Variants in NAALADL2 observed in about 807,000 individuals in gnomAD.
The protein encoded by NAALADL2 is N-acetylated alpha-linked acidic dipeptidase like 2.
Under a neutral mutation model 87.2 loss-of-function variants are expected in NAALADL2, and 76 were observed. The observed-to-expected ratio is 0.87, with a 90% CI of 0.72 to 1.05. NAALADL2 has a LOEUF of 1.05. Ranked by LOEUF, NAALADL2 falls within the 50% of genes least tolerant of loss-of-function variation. The pLI is 0.00. For synonymous variants in NAALADL2, 354 were observed against 331.0 expected, an observed-to-expected ratio of 1.07 and a Z score of -0.75; for missense variants, 1,089 against 945.8, an observed-to-expected ratio of 1.15 and a Z score of -1.99.
chr3:174,455,780 A>G (rs1021595923), intron 1 of NAALADL2, among the ~76,000 whole-genome samples: 1 of 152,182 alleles, frequency 6.6e-6, no homozygotes, highest in Admixed American at 6.5e-5. Flanking sequence ...GAATGAGCAA[A>G]AGCAGTAAGC....
chr3:175,694,849 A>T (rs1560987834), intron 11 of NAALADL2, among the ~76,000 whole-genome samples: 1 of 152,150 alleles, frequency 6.6e-6, no homozygotes, highest in African/African-American at 2.4e-5. Flanking sequence ...GGAAACAGAA[A>T]TTCAGGTAAA....
chr3:175,339,540 T>C (rs888678222), intron 5 of NAALADL2, among the ~76,000 whole-genome samples: 1 of 152,216 alleles, frequency 6.6e-6, no homozygotes, highest in African/African-American at 2.4e-5. Context: ...TTGTCTTTAA[T>C]TCTTTGTGCA....
At chr3:175,201,605 C>T (rs1319543937) in intron 2 of NAALADL2, among the ~76,000 whole-genome samples, 4 of 152,140 alleles carry the variant, frequency 2.6e-5, no homozygotes, top group Admixed American at 1.3e-4. Context: ...TGTCGTGTTA[C>T]ACTGTTGCTC....
At chr3:175,304,561 G>C (rs781158698) in intron 4 of NAALADL2, among the ~76,000 whole-genome samples, 1 of 152,098 alleles carries the variant, frequency 6.6e-6, no homozygotes, top group Non-Finnish European at 1.5e-5. Flanking sequence ...GGCCTTTCCT[G>C]TGGCAGTCTC....
intron 5 of NAALADL2, among the ~76,000 whole-genome samples, chr3:175,331,088 T>G (rs1178386011): frequency 1.3e-5 from 2 of 152,122 alleles, no homozygotes; most frequent in East Asian, 3.9e-4. Flanking sequence ...CTACAAAGAT[T>G]GAATCAGGAA....
chr3:175,368,174 A>C (rs1765908304), intron 5 of NAALADL2, among the ~76,000 whole-genome samples: 1 of 152,240 alleles, frequency 6.6e-6, no homozygotes, highest in African/African-American at 2.4e-5. Context: ...ATTTGCGTAT[A>C]TTGAACCAGC....
chr3:175,199,839 TATATATATATATATATATA>T (rs1739602344), intron 2 of NAALADL2, among the ~76,000 whole-genome samples: 1 of 12,934 alleles, frequency 7.7e-5, no homozygotes, highest in African/African-American at 3.4e-4. Context: ...TATATATATA[TATATATATATATATATATA>T]TATATATTTT....
intron 1 of NAALADL2, among the ~76,000 whole-genome samples, chr3:174,869,763 A>G (rs1727576420): frequency 6.6e-6 from 1 of 152,134 alleles, no homozygotes; most frequent in Non-Finnish European, 1.5e-5. Context: ...TGGGAGGCCA[A>G]GACGTATGGG....
chr3:174,719,499 T>C (rs996715387), intron 2 of NAALADL2, among the ~76,000 whole-genome samples: 1 of 152,346 alleles, frequency 6.6e-6, no homozygotes, highest in East Asian at 1.9e-4. Flanking sequence ...ATTTTGTAAA[T>C]GAAGGACTTA....
At chr3:175,101,739 GGTTTA>G (rs1338803269) in intron 2 of NAALADL2, among the ~76,000 whole-genome samples, 3 of 152,148 alleles carry the variant, frequency 2.0e-5, no homozygotes, top group Admixed American at 6.6e-5. Context: ...AAATTAATGA[GGTTTA>G]GTTTATTTTT....
In NAALADL2 at chr3:174,672,195, T is replaced by C. The variant is rs140270200; in HGVS notation, c.-114-65446T>C. On this transcript the variant is annotated intron_variant, in intron 2 of 3. Transcript: ENST00000434257. ...ATGTTTACTTTTTTTCTTTCCCACA[T>C]TGGGACAATAGCTAAACTTTGGTTC... Among the ~76,000 whole-genome samples, 31 of 152,216 alleles carry C rather than the reference T, an allele frequency of 2.0e-4. No homozygotes were observed. The East Asian group carries it at 4.5e-3, about 22-fold the overall frequency.
chr3:175,801,982 A>ATTCATT (rs1754207664), intron 13 of NAALADL2, among the ~76,000 whole-genome samples: 1 of 152,108 alleles, frequency 6.6e-6, no homozygotes, highest in Non-Finnish European at 1.5e-5. Flanking sequence ...AAGAAGAGAG[A>ATTCATT]ACAGTGTAAT....
At chr3:174,465,843 T>C (rs1333124450) in intron 1 of NAALADL2, among the ~76,000 whole-genome samples, 1 of 152,096 alleles carries the variant, frequency 6.6e-6, no homozygotes, top group Admixed American at 6.6e-5. Flanking sequence ...TTCTAATACC[T>C]CCATTTTCTT....
At chr3:175,730,409 T>TATATATATATATATATATATATATATAG (rs1743538028) in intron 11 of NAALADL2, among the ~76,000 whole-genome samples, 5 of 81,078 alleles carry the variant, frequency 6.2e-5, no homozygotes, top group Non-Finnish European at 1.3e-4. Flanking sequence ...TATATATATA[T>TATATATATATATATATATATATATATAG]ATATATATAT....
At chr3:174,517,693 T>C (rs116098388) in intron 1 of NAALADL2, among the ~76,000 whole-genome samples, 3,525 of 152,072 alleles carry the variant, frequency 0.023, 136 homozygotes, top group African/African-American at 0.081. Flanking sequence ...CCAAGTGATA[T>C]GTGGTACCAA....
chr3:174,699,518 A>T (rs1490506000), intron 2 of NAALADL2, among the ~76,000 whole-genome samples: 2 of 151,874 alleles, frequency 1.3e-5, no homozygotes, highest in Non-Finnish European at 2.9e-5. Context: ...AAATTCTTAG[A>T]TGGTGTTTAG....
At chr3:174,664,168 G>A (rs1725758323) in intron 2 of NAALADL2, among the ~76,000 whole-genome samples, 1 of 152,108 alleles carries the variant, frequency 6.6e-6, no homozygotes. Flanking sequence ...CCACTGCTGA[G>A]AAAATATCAA....
intron 1 of NAALADL2, among the ~76,000 whole-genome samples, chr3:174,987,587 A>AAAAAAC (rs1746080552): frequency 7.0e-6 from 1 of 141,926 alleles, no homozygotes; most frequent in Non-Finnish European, 1.5e-5. Flanking sequence ...AAAAAAAAAA[A>AAAAAAC]AAAAAAAAAA....
intron 9 of NAALADL2, among the ~76,000 whole-genome samples, chr3:175,481,793 C>T (rs1582072106): frequency 6.6e-6 from 1 of 151,920 alleles, no homozygotes; most frequent in African/African-American, 2.4e-5. Flanking sequence ...GATACAGCAT[C>T]ATGGGTTAAT....
Sources: gnomAD v4.1 joint callset for allele counts (sites outside exome capture counted in the v4.1 genomes callset) on GRCh38, gnomAD v4.1.1 for gene constraint, MANE v1.5 for transcripts, NCBI Gene and HGNC (gene_info 2026-07-23, HGNC 2026-07-21) for gene names.